Variants in BAZ2B observed in about 807,000 individuals in gnomAD.
BAZ2B encodes bromodomain adjacent to zinc finger domain 2B.
Under a neutral mutation model 246.0 loss-of-function variants are expected in BAZ2B, and 91 were observed. That is an observed-to-expected ratio of 0.37 (90% confidence interval 0.31 to 0.44). BAZ2B has a LOEUF of 0.44. Ranked by LOEUF, BAZ2B falls within the 20% of genes least tolerant of loss-of-function variation. BAZ2B has a pLI of 1.00. For missense variants in BAZ2B, 2,332 were observed against 2,533.7 expected (o/e 0.92, Z 1.71); for synonymous variants, 855 against 860.0 (o/e 0.99, Z 0.10).
chr2:159,530,860 C>T (rs1263712234), intron 2 of BAZ2B, among the ~76,000 whole-genome samples: 1 of 152,050 alleles, frequency 6.6e-6, no homozygotes, highest in South Asian at 2.1e-4. Flanking sequence ...ATCCCAGCTA[C>T]TCAGGAGGCT....
intron 21 of BAZ2B, among the ~76,000 whole-genome samples, chr2:159,386,892 A>T (rs2062711590): frequency 6.6e-6 from 1 of 152,128 alleles, no homozygotes. Context: ...AATTTTAATC[A>T]ACTTGCATAT....
chr2:159,604,060 TGAA>T (rs1379936671), intron 1 of BAZ2B, among the ~76,000 whole-genome samples: 2 of 130,318 alleles, frequency 1.5e-5, no homozygotes, highest in Admixed American at 1.7e-4. Flanking sequence ...TATTTTATAG[TGAA>T]GAAATACATT....
intron 7 of BAZ2B, 121 bp from the exon 8 acceptor site, chr2:159,438,816 C>A: frequency 7.8e-7 from 1 of 1,285,104 alleles, no homozygotes; most frequent in Non-Finnish European, 1.1e-6. Flanking sequence ...ATGATAATAT[C>A]TAAAAATCTA....
chr2:159,583,112 CTTTTTT>C (rs11296306), intron 1 of BAZ2B, among the ~76,000 whole-genome samples: 13 of 137,586 alleles, frequency 9.4e-5, no homozygotes, highest in Non-Finnish European at 1.9e-4. Flanking sequence ...TTTTTCTTTT[CTTTTTT>C]TTTTTTTTTT....
Position 159,564,279 on chromosome 2 carries a change from G to C in BAZ2B, c.-45-8414C>G, listed in dbSNP as rs571902814. 5.9e-5 allele frequency among the ~76,000 whole-genome samples: 9 copies of C among 152,258 alleles called. No individual in the cohort carries two copies. In the South Asian group the frequency reaches 8.3e-4, roughly 14 times the overall value. On this transcript the variant is annotated intron_variant, in intron 1 of 36. Transcript: ENST00000392783. ...CCAGGGCTAGTGCAGAGTAAGATAG[G>C]GGGTAGGAGAGCAAGGCAGAGACCA... is the stretch of plus-strand genomic sequence containing the variant.
intron 25 of BAZ2B, among the ~76,000 whole-genome samples, chr2:159,377,824 A>G (rs141008940): frequency 6.6e-6 from 1 of 151,556 alleles, no homozygotes. Context: ...AAAAAAAAAA[A>G]AAAAAAGAAG....
At chr2:159,559,360 T>C (rs1026934287) in intron 1 of BAZ2B, among the ~76,000 whole-genome samples, 1 of 152,108 alleles carries the variant, frequency 6.6e-6, no homozygotes, top group African/African-American at 2.4e-5. Context: ...AATGCAAAAA[T>C]AGTCTTTTGA....
intron 13 of BAZ2B, among the ~76,000 whole-genome samples, chr2:159,426,987 G>C (rs936975820): frequency 3.3e-5 from 5 of 152,136 alleles, no homozygotes; most frequent in African/African-American, 1.2e-4. Flanking sequence ...ACTTCAGCTG[G>C]CTGAGCATTT....
chr2:159,679,337 T>C, the BAZ2B span, among the ~76,000 whole-genome samples: 1 of 151,720 alleles, frequency 6.6e-6, no homozygotes, highest in Non-Finnish European at 1.5e-5. Flanking sequence ...TCTGACTCTG[T>C]TAAAGGTGAC....
At chr2:159,359,694 C>T (rs898822347) in intron 27 of BAZ2B, among the ~76,000 whole-genome samples, 2 of 152,034 alleles carry the variant, frequency 1.3e-5, no homozygotes, top group Admixed American at 6.6e-5. Context: ...AACATCGATG[C>T]GAAAATTCTC....
At chr2:159,448,430 C>A in intron 4 of BAZ2B, 21 bp from the exon 5 acceptor site, 1 of 1,519,028 alleles carries the variant, frequency 6.6e-7, no homozygotes, top group Non-Finnish European at 8.8e-7. Context: ...AACAAACCAA[C>A]CAAACAAAAA....
intron 13 of BAZ2B, among the ~76,000 whole-genome samples, chr2:159,417,507 C>T (rs1045281282): frequency 2.6e-5 from 4 of 151,766 alleles, no homozygotes; most frequent in South Asian, 2.1e-4. Context: ...ATTCTGCTTT[C>T]GAGAGTTGCT....
At chr2:159,524,696 T>C (rs1338596276) in intron 2 of BAZ2B, among the ~76,000 whole-genome samples, 2 of 152,216 alleles carry the variant, frequency 1.3e-5, no homozygotes, top group Non-Finnish European at 2.9e-5. Flanking sequence ...TCTGTAGTAT[T>C]TTAAACTAAG....
chr2:159,466,145 A>G (rs16844045), intron 3 of BAZ2B, among the ~76,000 whole-genome samples: 26,508 of 152,150 alleles, frequency 0.17, 2,466 homozygotes, highest in Middle Eastern at 0.35. Context: ...TAGTTAAACC[A>G]TAATTTTGAC....
the BAZ2B span, chr2:159,689,372 C>CT: frequency 6.9e-3 from 1,143 of 165,360 alleles, 1 homozygote; most frequent in Middle Eastern, 0.021. Context: ...TTTTACTTTC[C>CT]TTTTTTTTTT....
intron 3 of BAZ2B, among the ~76,000 whole-genome samples, chr2:159,466,155 CT>C (rs2077020077): frequency 6.6e-6 from 1 of 152,138 alleles, no homozygotes. Flanking sequence ...ATAATTTTGA[CT>C]TTCAGGTTTG....
At chr2:159,633,602 T>A in the BAZ2B span, among the ~76,000 whole-genome samples, 1 of 152,288 alleles carries the variant, frequency 6.6e-6, no homozygotes, top group Admixed American at 6.5e-5. Flanking sequence ...ATGGTCTTTT[T>A]TAGGGTCATG....
At chr2:159,505,673 T>C (rs1577897044) in intron 2 of BAZ2B, among the ~76,000 whole-genome samples, 1 of 152,042 alleles carries the variant, frequency 6.6e-6, no homozygotes, top group East Asian at 1.9e-4. Flanking sequence ...TCTGCTAATA[T>C]AAAGAATGGG....
intron 1 of BAZ2B, among the ~76,000 whole-genome samples, chr2:159,593,809 A>G (rs1164170031): frequency 2.0e-5 from 3 of 152,160 alleles, no homozygotes; most frequent in Non-Finnish European, 4.4e-5. Context: ...CTTGGAACGT[A>G]TCTCCTCGGG....
Sources: allele counts gnomAD v4.1 joint callset (sites outside exome capture counted in the v4.1 genomes callset), GRCh38; gene constraint gnomAD v4.1.1; transcripts MANE v1.5; gene names NCBI Gene and HGNC (gene_info 2026-07-23, HGNC 2026-07-21).